Variants in ADGRV1 observed in about 807,000 individuals in gnomAD.
The protein encoded by ADGRV1 is G-protein coupled receptor 98.
Under a neutral mutation model 596.2 loss-of-function variants are expected in ADGRV1, and 359 were observed. The ratio of observed to expected loss-of-function variants is 0.60; its 90% confidence interval spans 0.55 to 0.66. The LOEUF (loss-of-function observed/expected upper bound fraction) is 0.66. ADGRV1 is among the 30% of genes least tolerant of loss of function. The pLI, the probability that ADGRV1 is intolerant of heterozygous loss-of-function variation, is 0.00. For synonymous variants in ADGRV1, 2,681 were observed against 2,679.2 expected (o/e 1.00, Z -0.02); for missense variants, 7,274 against 7,575.6 (o/e 0.96, Z 1.48).
intron 33 of ADGRV1, 84 bp from the exon 34 acceptor site, chr5:90,696,853 C>A: frequency 1.1e-6 from 1 of 920,008 alleles, no homozygotes; most frequent in Non-Finnish European, 1.6e-6. Context: ...AACTTTTAAA[C>A]ATAGAAATTA....
At chr5:90,942,569 A>G (rs1776249077) in intron 83 of ADGRV1, among the ~76,000 whole-genome samples, 1 of 152,156 alleles carries the variant, frequency 6.6e-6, no homozygotes, top group Non-Finnish European at 1.5e-5. Flanking sequence ...TCAGGGATTA[A>G]AAACCCAAAT....
intron 83 of ADGRV1, among the ~76,000 whole-genome samples, chr5:90,869,022 C>A (rs775586813): frequency 2.6e-5 from 4 of 152,120 alleles, no homozygotes; most frequent in Middle Eastern, 3.4e-3. Flanking sequence ...ATGAGAAATA[C>A]CAAGCAAGAT....
chr5:90,861,862 C>T (rs1242392996), intron 82 of ADGRV1, among the ~76,000 whole-genome samples: 4 of 152,134 alleles, frequency 2.6e-5, no homozygotes, highest in Admixed American at 2.6e-4. Flanking sequence ...TCAATATCCT[C>T]ACCCAAGCCA....
intron 83 of ADGRV1, among the ~76,000 whole-genome samples, chr5:90,890,633 C>T (rs529862356): frequency 6.6e-6 from 1 of 152,250 alleles, no homozygotes; most frequent in African/African-American, 2.4e-5. Flanking sequence ...CATTTATTAA[C>T]ATGACCCTTT....
intron 21 of ADGRV1, among the ~76,000 whole-genome samples, chr5:90,668,830 T>G (rs1360220338): frequency 6.6e-6 from 1 of 152,216 alleles, no homozygotes; most frequent in Non-Finnish European, 1.5e-5. Flanking sequence ...TAGGTTTTGA[T>G]GAAGGTTTTA....
intron 87 of ADGRV1, among the ~76,000 whole-genome samples, chr5:91,137,201 T>C (rs1022927152): frequency 9.9e-5 from 15 of 152,156 alleles, no homozygotes; most frequent in Non-Finnish European, 1.6e-4. Flanking sequence ...TCCTCCTGCC[T>C]CAGCCTCCCA....
At chr5:90,927,556 A>G (rs1351862894) in intron 83 of ADGRV1, among the ~76,000 whole-genome samples, 2 of 152,162 alleles carry the variant, frequency 1.3e-5, no homozygotes, top group African/African-American at 4.8e-5. Flanking sequence ...TTTCCTGAAT[A>G]CAGCACACTG....
chr5:90,578,992 T>C (rs1014046319), intron 1 of ADGRV1, among the ~76,000 whole-genome samples: 1 of 152,224 alleles, frequency 6.6e-6, no homozygotes, highest in African/African-American at 2.4e-5. Flanking sequence ...GATTCTTCTC[T>C]CTTTTCTTCT....
chr5:90,856,960 T>G (rs932504874), intron 82 of ADGRV1, among the ~76,000 whole-genome samples: 15 of 152,194 alleles, frequency 9.9e-5, no homozygotes, highest in Non-Finnish European at 5.9e-5. Context: ...GTCATTATCT[T>G]TTAGGAAGTT....
intron 71 of ADGRV1, among the ~76,000 whole-genome samples, chr5:90,803,610 G>C (rs1761613361): frequency 1.3e-5 from 2 of 152,128 alleles, no homozygotes; most frequent in African/African-American, 2.4e-5. Context: ...TATAGTCTCT[G>C]GCCACTAAGG....
At chr5:91,027,596 C>G (rs914057684) in intron 85 of ADGRV1, among the ~76,000 whole-genome samples, 2 of 152,178 alleles carry the variant, frequency 1.3e-5, no homozygotes, top group African/African-American at 4.8e-5. Context: ...CTGGAATGAA[C>G]TGACAATTTT....
At chr5:91,095,756 G>T (rs1468264145) in intron 86 of ADGRV1, among the ~76,000 whole-genome samples, 2 of 151,982 alleles carry the variant, frequency 1.3e-5, no homozygotes, top group African/African-American at 4.8e-5. Context: ...TGTGCCTACT[G>T]TTGGAAATAG....
chr5:90,693,005 C>T (rs546272673), intron 32 of ADGRV1, among the ~76,000 whole-genome samples: 19 of 152,236 alleles, frequency 1.2e-4, no homozygotes, highest in South Asian at 4.1e-4. Context: ...ATAAATTTTA[C>T]ATCACTGAGC....
chr5:90,719,002 G>GAT (rs1750542506), intron 43 of ADGRV1, among the ~76,000 whole-genome samples: 1 of 152,172 alleles, frequency 6.6e-6, no homozygotes, highest in Non-Finnish European at 1.5e-5. Context: ...TGACTGTAAA[G>GAT]ATATATATAT....
At chr5:90,563,011 A>C (rs1009905299) in intron 1 of ADGRV1, among the ~76,000 whole-genome samples, 1 of 152,242 alleles carries the variant, frequency 6.6e-6, no homozygotes, top group Non-Finnish European at 1.5e-5. Flanking sequence ...TTAGGGGCTT[A>C]ACATGGCTTT....
At chr5:91,132,879 G>A (rs1197710185) in intron 87 of ADGRV1, among the ~76,000 whole-genome samples, 1 of 152,206 alleles carries the variant, frequency 6.6e-6, no homozygotes, top group Non-Finnish European at 1.5e-5. Context: ...TGAAGGAGGG[G>A]TAATGATGAC....
Position 90,725,113 on chromosome 5 carries a change from T to C in ADGRV1, c.9934T>C (p.Cys3312Arg). 6.5e-7 allele frequency: 1 copy of C among 1,537,052 alleles called. No homozygotes were observed. The highest frequency in any genetic ancestry group is 2.3e-5 in the East Asian group (1 of 44,142). Residue 3312 changes from cysteine to arginine, a missense_variant, in exon 47 of 90, where the codon TGT becomes CGT. Coordinates refer to ENST00000405460, the MANE Select transcript of ADGRV1 (RefSeq NM_032119.4). ...TTTAAATATAGAAAATCCTAAAACT[T>C]GTGAGGCCTTTAATATTGGTTTTTC... ...EDLNIENPKT[C>R]EAFNIGFSPY... is the part of the protein sequence containing the mutation.
At chr5:90,961,724 C>T (rs1457668255) in intron 83 of ADGRV1, among the ~76,000 whole-genome samples, 1 of 152,086 alleles carries the variant, frequency 6.6e-6, no homozygotes, top group Non-Finnish European at 1.5e-5. Flanking sequence ...TCATTTCCTT[C>T]GTTGGCTGGC....
intron 85 of ADGRV1, among the ~76,000 whole-genome samples, chr5:91,030,762 T>G (rs1418504776): frequency 6.6e-6 from 1 of 152,182 alleles, no homozygotes; most frequent in African/African-American, 2.4e-5. Context: ...CAAGATTAAC[T>G]TCTAAAGTCT....
Sources: allele counts gnomAD v4.1 joint callset (sites outside exome capture counted in the v4.1 genomes callset), GRCh38; gene constraint gnomAD v4.1.1; transcripts MANE v1.5; gene names NCBI Gene and HGNC (gene_info 2026-07-23, HGNC 2026-07-21).